The following GRIP1 variants were observed in gnomAD, a reference collection of about 807,000 sequenced individuals.
GRIP1 encodes the protein glutamate receptor-interacting protein 1.
GRIP1 carries 45 observed loss-of-function variants against 129.9 expected under a neutral mutation model. The ratio of observed to expected loss-of-function variants is 0.35; its 90% confidence interval spans 0.27 to 0.44. The LOEUF is 0.44. Among genes scored for constraint, GRIP1 ranks in the 20% least tolerant of loss-of-function variants. The pLI, the probability that GRIP1 is intolerant of heterozygous loss-of-function variation, is 1.00. For synonymous variants in GRIP1, 530 were observed against 520.8 expected (o/e 1.02, Z -0.24); for missense variants, 1,196 against 1,396.8 (o/e 0.86, Z 2.29).
rs1009667992 is a variant in GRIP1, at chr12:66,515,647, C to T, written c.696G>A (p.Leu232=). Residue 232 remains leucine, a synonymous_variant, in exon 7 of 25, where the codon CTG becomes CTA. Coordinates refer to ENST00000359742, the MANE Select transcript of GRIP1 (RefSeq NM_001366722.1). ...TTACTGAGACATCATATTCTATCAG[C>T]AGTGCTGCTTCTTGTCCACATTGTT... ...ILKQCGQEAA[L]LIEYDVSVMD... 6.2e-6 allele frequency: 10 copies of T among 1,613,458 alleles called. No homozygotes were observed. In the African/African-American group the frequency reaches 1.3e-4, roughly 22 times the overall value.
chr12:66,524,225 A>G (rs1230513587), intron 5 of GRIP1, among the ~76,000 whole-genome samples: 1 of 152,108 alleles, frequency 6.6e-6, no homozygotes, highest in Non-Finnish European at 1.5e-5. Context: ...CAGAATATAC[A>G]TTTTTTTCAG....
intron 2 of GRIP1, among the ~76,000 whole-genome samples, chr12:66,550,372 T>C (rs1259733461): frequency 6.6e-6 from 1 of 152,214 alleles, no homozygotes; most frequent in African/African-American, 2.4e-5. Context: ...GTCATTATTA[T>C]TGTTATTTGG....
At chr12:66,793,596 C>T (rs772414589) in intron 1 of GRIP1, among the ~76,000 whole-genome samples, 1 of 152,124 alleles carries the variant, frequency 6.6e-6, no homozygotes, top group Admixed American at 6.6e-5. Context: ...CAGCATGTTG[C>T]GTTTGCTGCT....
intron 1 of GRIP1, among the ~76,000 whole-genome samples, chr12:66,755,970 T>G (rs1457047741): frequency 6.6e-6 from 1 of 152,206 alleles, no homozygotes; most frequent in Non-Finnish European, 1.5e-5. Context: ...TAACCAGCCC[T>G]GGAACCACTG....
chr12:66,901,944 TTAAG>T (rs1221884657), intron 1 of GRIP1, among the ~76,000 whole-genome samples: 4 of 152,360 alleles, frequency 2.6e-5, no homozygotes, highest in East Asian at 1.9e-4. Flanking sequence ...ACAAAAAACT[TTAAG>T]TATTTCTTGC....
intron 1 of GRIP1, among the ~76,000 whole-genome samples, chr12:66,877,567 C>G (rs1314726609): frequency 6.6e-6 from 1 of 152,054 alleles, no homozygotes; most frequent in Non-Finnish European, 1.5e-5. Flanking sequence ...AGCCAAAAAT[C>G]AAAAGTTAAT....
intron 1 of GRIP1, among the ~76,000 whole-genome samples, chr12:66,893,508 G>A (rs925255489): frequency 1.3e-5 from 2 of 152,162 alleles, no homozygotes; most frequent in Non-Finnish European, 2.9e-5. Context: ...AAAGTGCTGG[G>A]AATACAGGTG....
rs74098334 is a variant in GRIP1, at chr12:66,462,731, G to A, written c.1042+193C>T. On this transcript the variant is annotated intron_variant, in intron 9 of 24. Transcript: ENST00000359742. ...GTAGGAGAATGGCTTGAACCCAGGA[G>A]GCAGAGGTTGGAGTCAACCGAGATC... Among the ~76,000 whole-genome samples the A allele has an allele frequency of 3.9e-3, 594 of 150,540 alleles. 7 individuals carry two copies. Among genetic ancestry groups the A allele is most frequent in the African/African-American group, 0.012 (483 of 40,712 alleles).
intron 1 of GRIP1, among the ~76,000 whole-genome samples, chr12:66,746,212 A>G (rs1479409751): frequency 3.3e-5 from 5 of 152,202 alleles, no homozygotes; most frequent in African/African-American, 9.6e-5. Flanking sequence ...GGGAGAACTT[A>G]GAAGAGAAAT....
intron 1 of GRIP1, among the ~76,000 whole-genome samples, chr12:66,599,848 G>A (rs2064201899): frequency 1.3e-5 from 2 of 152,136 alleles, no homozygotes; most frequent in Non-Finnish European, 2.9e-5. Flanking sequence ...TTATAGAAGG[G>A]CACACATCTA....
intron 1 of GRIP1, among the ~76,000 whole-genome samples, chr12:66,922,478 G>A (rs772773735): frequency 6.6e-6 from 1 of 152,202 alleles, no homozygotes; most frequent in Non-Finnish European, 1.5e-5. Flanking sequence ...AATGTTGGAT[G>A]TACAACAGAT....
At chr12:66,996,791 CTT>C (rs1380001787) in intron 1 of GRIP1, among the ~76,000 whole-genome samples, 1 of 152,170 alleles carries the variant, frequency 6.6e-6, no homozygotes, top group Non-Finnish European at 1.5e-5. Flanking sequence ...CACCCTTTCA[CTT>C]ATTCACATGA....
chr12:66,700,162 G>C (rs1019300479), intron 1 of GRIP1, among the ~76,000 whole-genome samples: 1 of 152,132 alleles, frequency 6.6e-6, no homozygotes, highest in South Asian at 2.1e-4. Flanking sequence ...ATAAACAAAC[G>C]TTAGGAAAAT....
chr12:66,939,467 A>G (rs530596346), intron 1 of GRIP1, among the ~76,000 whole-genome samples: 4 of 152,312 alleles, frequency 2.6e-5, no homozygotes, highest in African/African-American at 9.6e-5. Flanking sequence ...AGGAGAGGTA[A>G]GTATATACAA....
intron 1 of GRIP1, among the ~76,000 whole-genome samples, chr12:66,923,599 G>T (rs564517002): frequency 6.6e-6 from 1 of 152,244 alleles, no homozygotes; most frequent in Admixed American, 6.5e-5. Flanking sequence ...ATCAGATAAA[G>T]GCTGCCACAG....
intron 2 of GRIP1, among the ~76,000 whole-genome samples, chr12:66,548,517 G>T (rs891642313): frequency 1.3e-5 from 2 of 152,214 alleles, no homozygotes; most frequent in African/African-American, 4.8e-5. Flanking sequence ...TGCAATGGGG[G>T]TAGGGTGGAT....
chr12:66,472,888 A>C (rs1241553625), intron 7 of GRIP1, among the ~76,000 whole-genome samples: 1 of 152,188 alleles, frequency 6.6e-6, no homozygotes, highest in Non-Finnish European at 1.5e-5. Context: ...TCAAGCACAA[A>C]ACTGGGCGGC....
chr12:66,886,425 T>C (rs2040567586), intron 1 of GRIP1, among the ~76,000 whole-genome samples: 1 of 152,244 alleles, frequency 6.6e-6, no homozygotes, highest in African/African-American at 2.4e-5. Context: ...GGAATGTTCC[T>C]AGATTTCAAT....
chr12:66,730,613 G>A (rs1410246485), intron 1 of GRIP1, among the ~76,000 whole-genome samples: 2 of 143,214 alleles, frequency 1.4e-5, no homozygotes, highest in Non-Finnish European at 3.0e-5. Flanking sequence ...GATATAAATT[G>A]TTAACCTAAA....
Sources: allele counts gnomAD v4.1 joint callset (sites outside exome capture counted in the v4.1 genomes callset), GRCh38; gene constraint gnomAD v4.1.1; transcripts MANE v1.5; gene names NCBI Gene and HGNC (gene_info 2026-07-23, HGNC 2026-07-21).